NPSR1: variants seen among roughly 807,000 people sequenced by gnomAD.
The protein encoded by NPSR1 is neuropeptide S receptor 1, also known as neuropeptide S receptor.
In NPSR1, 48 loss-of-function variants were observed where a neutral mutation model predicts 46.9. The observed-to-expected ratio is 1.02, with a 90% confidence interval of 0.81 to 1.30. The LOEUF is 1.30. Among genes scored for constraint, NPSR1 ranks in the 50% most tolerant of loss-of-function variants. NPSR1 has a pLI of 0.00. For missense variants in NPSR1, 450 were observed against 449.5 expected (o/e 1.00, Z -0.01); for synonymous variants, 176 against 168.1 (o/e 1.05, Z -0.36).
chr7:34,673,130 A>G (rs1275124736), intron 1 of NPSR1, among the ~76,000 whole-genome samples: 1 of 152,148 alleles, frequency 6.6e-6, no homozygotes, highest in Non-Finnish European at 1.5e-5. Context: ...CCTGCTGACC[A>G]ACCATGACCA....
chr7:34,776,580 C>T (rs1786967930), intron 2 of NPSR1, among the ~76,000 whole-genome samples: 1 of 152,130 alleles, frequency 6.6e-6, no homozygotes, highest in East Asian at 1.9e-4. Context: ...TATTTTCCGC[C>T]TACATATGCC....
intron 8 of NPSR1, among the ~76,000 whole-genome samples, chr7:34,862,186 T>C (rs1195490267): frequency 6.6e-6 from 1 of 151,720 alleles, no homozygotes; most frequent in Non-Finnish European, 1.5e-5. Context: ...CAAAAGGAGA[T>C]AGGCAGGAGA....
intron 6 of NPSR1, among the ~76,000 whole-genome samples, chr7:34,837,156 A>G (rs541049111): frequency 6.6e-6 from 1 of 152,330 alleles, no homozygotes; most frequent in South Asian, 2.1e-4. Flanking sequence ...TCTGTTTTCC[A>G]CTTAGCCATG....
At chr7:34,850,051 C>A, downstream of NPSR1, 1 of 925,960 alleles carries the variant, frequency 1.1e-6, no homozygotes, top group Non-Finnish European at 1.3e-6. Flanking sequence ...AAATAAAAGA[C>A]TTAATTAAGC....
At chr7:34,755,750 C>T (rs1785800666) in intron 2 of NPSR1, among the ~76,000 whole-genome samples, 2 of 151,642 alleles carry the variant, frequency 1.3e-5, no homozygotes, top group Non-Finnish European at 2.9e-5. Flanking sequence ...AAACTAGGAT[C>T]AGAAACTTAG....
intron 2 of NPSR1, among the ~76,000 whole-genome samples, chr7:34,774,665 C>G (rs1440780389): frequency 6.6e-6 from 1 of 152,156 alleles, no homozygotes; most frequent in Non-Finnish European, 1.5e-5. Flanking sequence ...GCTTGGGCAT[C>G]CATCAACTCC....
At chr7:34,685,783 A>C (rs34229862) in intron 2 of NPSR1, 92 of 356,886 alleles carry the variant, frequency 2.6e-4, no homozygotes, top group African/African-American at 2.0e-3. Flanking sequence ...GCTGGGCTGC[A>C]GTGGCCAGGG....
intron 2 of NPSR1, among the ~76,000 whole-genome samples, chr7:34,720,844 C>T (rs778985677): frequency 3.3e-5 from 5 of 151,908 alleles, no homozygotes; most frequent in Non-Finnish European, 7.4e-5. Context: ...TGCTTCTAAT[C>T]ATCAAGTCGG....
chr7:34,672,888 TCC>T (rs1400542125), intron 1 of NPSR1, among the ~76,000 whole-genome samples: 1 of 152,176 alleles, frequency 6.6e-6, no homozygotes, highest in East Asian at 1.9e-4. Flanking sequence ...CTGGACCTTG[TCC>T]CATTATTGAA....
intron 1 of NPSR1, among the ~76,000 whole-genome samples, chr7:34,668,670 G>A (rs561184204): frequency 1.1e-4 from 17 of 152,274 alleles, no homozygotes; most frequent in Middle Eastern, 3.4e-3. Flanking sequence ...GGGTGACTCC[G>A]TGTATTGTAA....
At chr7:34,844,051 G>A (rs1259158365) in intron 6 of NPSR1, among the ~76,000 whole-genome samples, 1 of 152,240 alleles carries the variant, frequency 6.6e-6, no homozygotes, top group Non-Finnish European at 1.5e-5. Flanking sequence ...ATGGGCTGGT[G>A]GAAGCCCTGA....
intron 3 of NPSR1, among the ~76,000 whole-genome samples, chr7:34,786,906 A>C (rs1787490917): frequency 6.6e-6 from 1 of 152,130 alleles, no homozygotes; most frequent in Non-Finnish European, 1.5e-5. Context: ...TATAGAGCAC[A>C]GGCACAGTAG....
At chr7:34,866,417 G>T (rs1158399913) in intron 8 of NPSR1, among the ~76,000 whole-genome samples, 1 of 151,764 alleles carries the variant, frequency 6.6e-6, no homozygotes, top group East Asian at 1.9e-4. Flanking sequence ...GATAGCGGAG[G>T]GACAGGAGGC....
chr7:34,787,849 T>C (rs1787533915), intron 3 of NPSR1, among the ~76,000 whole-genome samples: 1 of 152,072 alleles, frequency 6.6e-6, no homozygotes, highest in Non-Finnish European at 1.5e-5. Context: ...ATTACAATAG[T>C]ATCATCAAAC....
intron 2 of NPSR1, among the ~76,000 whole-genome samples, chr7:34,742,081 A>G (rs968774837): frequency 3.3e-5 from 5 of 152,030 alleles, no homozygotes; most frequent in African/African-American, 1.2e-4. Flanking sequence ...CTTCTCTAAT[A>G]TAAGCAGTTA....
intron 1 of NPSR1, among the ~76,000 whole-genome samples, chr7:34,665,670 T>A (rs1791707367): frequency 1.3e-5 from 2 of 152,212 alleles, no homozygotes; most frequent in Non-Finnish European, 2.9e-5. Context: ...TTGCCTTCTC[T>A]TCTAGGAAGG....
At chr7:34,875,430 C>A (rs999406857) in intron 8 of NPSR1, among the ~76,000 whole-genome samples, 13 of 152,204 alleles carry the variant, frequency 8.5e-5, no homozygotes, top group African/African-American at 3.1e-4. Flanking sequence ...TTAGCTGCTT[C>A]CGGCGCCCTA....
At position 34,791,015 on chromosome 7, in the gene NPSR1, T is replaced by G. The variant is rs570632209; in HGVS notation, c.384+12450T>G. On this transcript the variant is annotated intron_variant, in intron 3 of 8. Transcript: ENST00000360581. ...ATATGTTATATGTTATATGTTATAT[T>G]ATATATGTTATATGTTATATATTAT... is the stretch of plus-strand genomic sequence containing the variant. Among the ~76,000 whole-genome samples, 940 of 114,338 alleles carry G rather than the reference T, an allele frequency of 8.2e-3. 19 individuals carry two copies. The highest frequency in any genetic ancestry group is 0.01 in the Non-Finnish European group (636 of 62,910). 75.0% of individuals were successfully genotyped at this position (114,338 alleles called of 152,430 possible). A position where few individuals can be genotyped will look rare whatever the true frequency, so the allele number is the denominator to read the frequency against.
chr7:34,867,691 GGA>G (rs1791344597), intron 8 of NPSR1, among the ~76,000 whole-genome samples: 1 of 151,852 alleles, frequency 6.6e-6, no homozygotes, highest in African/African-American at 2.4e-5. Flanking sequence ...GGGTCACTGG[GGA>G]GACAAATAGA....
Sources: allele counts gnomAD v4.1 joint callset (sites outside exome capture counted in the v4.1 genomes callset), GRCh38; gene constraint gnomAD v4.1.1; transcripts MANE v1.5; gene names NCBI Gene and HGNC (gene_info 2026-07-23, HGNC 2026-07-21).